The following SCIMP variants were observed in gnomAD, a reference collection of about 807,000 sequenced individuals.
SCIMP encodes the protein SLP adaptor and CSK interacting membrane protein, also known as SLP adapter and CSK-interacting membrane protein.
In SCIMP, 18 loss-of-function variants were observed where a neutral mutation model predicts 22.0. That is an observed-to-expected ratio of 0.82 (90% confidence interval 0.56 to 1.21). SCIMP has a LOEUF of 1.21. SCIMP is among the 50% of genes most tolerant of loss of function. The probability of loss-of-function intolerance (pLI) is 0.00; values close to 1 mark genes in which losing one functional copy is unlikely to be tolerated. For missense variants in SCIMP, 155 were observed against 171.2 expected, an observed-to-expected ratio of 0.91 and a Z score of 0.53; for synonymous variants, 53 against 62.2, an observed-to-expected ratio of 0.85 and a Z score of 0.70.
intron 2 of SCIMP, among the ~76,000 whole-genome samples, chr17:5,222,118 C>G (rs1459117530): frequency 6.9e-6 from 1 of 145,294 alleles, no homozygotes; most frequent in African/African-American, 2.5e-5. Context: ...AAGATGGAGT[C>G]TCACACTGTC....
chr17:5,216,352 A>AT (rs2074565431), intron 3 of SCIMP, among the ~76,000 whole-genome samples: 1 of 152,218 alleles, frequency 6.6e-6, no homozygotes, highest in Non-Finnish European at 1.5e-5. Context: ...ATACTATATG[A>AT]TGCCATTAAT....
chr17:5,233,063 C>G (rs960718827), intron 1 of SCIMP, among the ~76,000 whole-genome samples: 33 of 152,258 alleles, frequency 2.2e-4, no homozygotes, highest in African/African-American at 7.7e-4. Flanking sequence ...TGTGGATAGT[C>G]ACTGGCAACT....
At position 5,226,938 on chromosome 17, in the gene SCIMP, A is replaced by G. The variant is rs17178223; in HGVS notation, c.22-3482T>C. On this transcript the variant is annotated intron_variant, in intron 1 of 4. Coordinates refer to ENST00000574081, the MANE Select transcript of SCIMP (RefSeq NM_207103.3). ...GGCCACCAGGCTGGTTTAATGGCCA[A>G]GGTGCTTCCAGAGAGAGGAAGCCCT... is the stretch of plus-strand genomic sequence containing the variant. Among the ~76,000 whole-genome samples the G allele has an allele frequency of 1.0e-2, 1,521 of 152,224 alleles. 73 individuals carry two copies. Among genetic ancestry groups the G allele is most frequent in the Admixed American group, 0.08 (1,222 of 15,248 alleles).
intron 3 of SCIMP, among the ~76,000 whole-genome samples, chr17:5,216,705 T>C (rs2074568139): frequency 6.6e-6 from 1 of 151,982 alleles, no homozygotes. Flanking sequence ...CCCAAAAAGC[T>C]AATTTATACT....
intron 1 of SCIMP, 141 bp downstream of exon 1, chr17:5,234,594 A>G (rs1423517622): frequency 2.5e-6 from 2 of 809,968 alleles, no homozygotes; most frequent in Middle Eastern, 3.5e-4. Flanking sequence ...CCTACACAGC[A>G]GTCGTACCAG....
chr17:5,232,698 TC>T (rs2074711985), intron 1 of SCIMP, among the ~76,000 whole-genome samples: 1 of 151,458 alleles, frequency 6.6e-6, no homozygotes, highest in African/African-American at 2.4e-5. Flanking sequence ...GAGGCCTTGT[TC>T]CCACTCGTTC....
At chr17:5,234,585 C>A in intron 1 of SCIMP, 150 bp downstream of exon 1, 1 of 771,402 alleles carries the variant, frequency 1.3e-6, no homozygotes, top group Non-Finnish European at 2.2e-6. Flanking sequence ...TTCTCCAACC[C>A]TACACAGCAG....
At chr17:5,232,992 G>A (rs951679726) in intron 1 of SCIMP, among the ~76,000 whole-genome samples, 6 of 152,084 alleles carry the variant, frequency 3.9e-5, no homozygotes, top group Non-Finnish European at 7.4e-5. Context: ...GATTACAGGC[G>A]TGAGCCACTG....
At chr17:5,231,714 TCTC>T (rs1464122833) in intron 1 of SCIMP, among the ~76,000 whole-genome samples, 1 of 152,138 alleles carries the variant, frequency 6.6e-6, no homozygotes, top group Non-Finnish European at 1.5e-5. Context: ...TGTTTTCCCA[TCTC>T]CTCACTTGGC....
chr17:5,225,339 C>G (rs551770896), intron 1 of SCIMP, among the ~76,000 whole-genome samples: 55 of 152,242 alleles, frequency 3.6e-4, no homozygotes, highest in African/African-American at 1.3e-3. Flanking sequence ...GTGGCACATG[C>G]CTGTAGTCCC....
At chr17:5,225,326 G>A (rs565733469) in intron 1 of SCIMP, among the ~76,000 whole-genome samples, 1 of 152,256 alleles carries the variant, frequency 6.6e-6, no homozygotes, top group African/African-American at 2.4e-5. Context: ...TTAGCTGGGT[G>A]TGGTGGCACA....
chr17:5,227,075 G>T (rs2074654840), intron 1 of SCIMP, among the ~76,000 whole-genome samples: 1 of 152,086 alleles, frequency 6.6e-6, no homozygotes, highest in African/African-American at 2.4e-5. Context: ...GGCAGACCTG[G>T]AGTTGTTGCC....
intron 4 of SCIMP, 39 bp from the exon 5 acceptor site, chr17:5,210,994 A>C (rs1463614542): frequency 6.4e-7 from 1 of 1,572,212 alleles, no homozygotes; most frequent in African/African-American, 1.4e-5. Flanking sequence ...CAAAGCTGTC[A>C]TGTGTTTTTA....
chr17:5,224,447 TTTG>T (rs1351909179), intron 1 of SCIMP, among the ~76,000 whole-genome samples: 27 of 1,456 alleles, frequency 0.019, no homozygotes, highest in Admixed American at 0.048. Flanking sequence ...AGTTTTTTTG[TTTG>T]TTTGTTTGTT....
rs35908136 is a variant in SCIMP, at chr17:5,222,092, GT to G, written c.146-743del. Reference sequence around the variant, plus strand: ...CTGCACCTGGCAGGAATGAAAACTTGTTTTTTTTTTTTTTTAAGATGGAGTC... The same window carrying G: ...CTGCACCTGGCAGGAATGAAAACTTGTTTTTTTTTTTTTTAAGATGGAGTC... On this transcript the variant is annotated intron_variant, in intron 2 of 4. Coordinates refer to ENST00000574081, the MANE Select transcript of SCIMP (RefSeq NM_207103.3). 2.0e-3 allele frequency among the ~76,000 whole-genome samples: 281 copies of G among 138,094 alleles called. 1 individual carries two copies. Among genetic ancestry groups the G allele is most frequent in the African/African-American group, 5.1e-3 (189 of 37,050 alleles). 90.6% of individuals were successfully genotyped at this position (138,094 alleles called of 152,430 possible).
rs962089243 is a variant in SCIMP, at chr17:5,210,766, C to G, written c.*35G>C. The G allele has an allele frequency of 1.9e-6, 3 of 1,598,532 alleles. No homozygotes were observed. Among genetic ancestry groups the G allele is most frequent in the Non-Finnish European group, 1.7e-6 (2 of 1,174,672 alleles). On this transcript the variant is annotated 3_prime_UTR_variant, in exon 5 of 5. Coordinates refer to ENST00000574081, the MANE Select transcript of SCIMP (RefSeq NM_207103.3). ...TGTTTTAAAATAAGTTGTGTGAACCCTCTTCAGTTTTGCCAAAAAGAAGAA... is the reference window on the plus strand; with the variant it reads ...TGTTTTAAAATAAGTTGTGTGAACCGTCTTCAGTTTTGCCAAAAAGAAGAA...
intron 4 of SCIMP, chr17:5,213,253 C>A (rs1241388031): frequency 2.5e-5 from 24 of 963,384 alleles, no homozygotes; most frequent in Non-Finnish European, 2.9e-5. Context: ...TTTTGCTTTT[C>A]CATCCCTTTT....
intron 3 of SCIMP, among the ~76,000 whole-genome samples, chr17:5,220,191 T>C (rs1029695880): frequency 2.6e-5 from 4 of 151,990 alleles, no homozygotes; most frequent in Admixed American, 2.0e-4. Context: ...CGCAGTAGCT[T>C]TTGGAAGACT....
In SCIMP at chr17:5,221,152, G is replaced by A. The variant is rs545810772; in HGVS notation, c.209+135C>T. ...CTCTGCCCTTATGTGGAGAGATTTG[G>A]CAGGTGTGAAGTCTCGCCAGCTCTA... On this transcript the variant is annotated intron_variant, in intron 3 of 4. Coordinates refer to ENST00000574081, the MANE Select transcript of SCIMP (RefSeq NM_207103.3). 8.1e-6 allele frequency: 6 copies of A among 742,902 alleles called. No individual in the cohort carries two copies. The South Asian group carries it at 8.6e-5, about 11-fold the overall frequency. The allele number at this position is 742,902 out of a possible 1,614,324, so 46.0% of individuals were successfully genotyped here. A position where few individuals can be genotyped will look rare whatever the true frequency, so the allele number is the denominator to read the frequency against.
Sources: gnomAD v4.1 joint callset for allele counts (sites outside exome capture counted in the v4.1 genomes callset) on GRCh38, gnomAD v4.1.1 for gene constraint, MANE v1.5 for transcripts, NCBI Gene and HGNC (gene_info 2026-07-23, HGNC 2026-07-21) for gene names.